Variants in SUFU observed in about 807,000 individuals in gnomAD.
The protein encoded by SUFU is suppressor of fused homolog.
A neutral mutation model predicts 58.9 loss-of-function variants in SUFU; 7 were observed. That is an observed-to-expected ratio of 0.12 (90% CI 0.07 to 0.22). The LOEUF (loss-of-function observed/expected upper bound fraction) is 0.22, where lower values mean the gene tolerates loss of function less well. SUFU is among the 10% of genes least tolerant of loss of function. The pLI, the probability that SUFU is intolerant of heterozygous loss-of-function variation, is 1.00. For synonymous variants in SUFU, 232 were observed against 254.8 expected, an observed-to-expected ratio of 0.91 and a Z score of 0.85; for missense variants, 451 against 641.3, an observed-to-expected ratio of 0.70 and a Z score of 3.20.
At chr10:102,595,262 G>A (rs2063449654) in intron 6 of SUFU, among the ~76,000 whole-genome samples, 1 of 152,202 alleles carries the variant, frequency 6.6e-6, no homozygotes, top group South Asian at 2.1e-4. Flanking sequence ...GTTCTTCACT[G>A]TAGACTTGTG....
chr10:102,618,841 T>G (rs906861307), intron 10 of SUFU, among the ~76,000 whole-genome samples: 1 of 152,060 alleles, frequency 6.6e-6, no homozygotes, highest in Non-Finnish European at 1.5e-5. Context: ...GGAGCAGGCC[T>G]GTCTCCTGGG....
At chr10:102,622,390 A>G (rs2063746876) in intron 10 of SUFU, among the ~76,000 whole-genome samples, 1 of 151,590 alleles carries the variant, frequency 6.6e-6, no homozygotes, top group Non-Finnish European at 1.5e-5. Flanking sequence ...TGGGTGGATC[A>G]TCTGAGGTCG....
At position 102,628,877 on chromosome 10, in the gene SUFU, C is replaced by A. The variant is rs2063811354; in HGVS notation, c.1366-1189C>A. On this transcript the variant is annotated intron_variant, in intron 11 of 11. Coordinates refer to ENST00000369902, the MANE Select transcript of SUFU (RefSeq NM_016169.4). This position sits in a 1 kb window ranked among gnomAD's most constrained non-coding sequence, Gnocchi z 4.5. ...AAATTAGAAAAGACAGACCCTGGGCCGGGCGCAGTGACTCATGTCTGTAAT... is the reference window on the plus strand; with the variant it reads ...AAATTAGAAAAGACAGACCCTGGGCAGGGCGCAGTGACTCATGTCTGTAAT... Among the ~76,000 whole-genome samples the A allele has an allele frequency of 6.6e-6, 1 of 152,258 alleles. No homozygotes were observed. Among genetic ancestry groups the A allele is most frequent in the East Asian group, 1.9e-4 (1 of 5,176 alleles).
chr10:102,538,349 C>CT (rs5787464), intron 2 of SUFU, among the ~76,000 whole-genome samples: 51,662 of 148,970 alleles, frequency 0.35, 8,933 homozygotes, highest in African/African-American at 0.38. Flanking sequence ...ATGCAAGAGG[C>CT]TTTTTTTTTT....
chr10:102,551,717 C>T (rs1356060702), intron 3 of SUFU, among the ~76,000 whole-genome samples: 6 of 68,740 alleles, frequency 8.7e-5, no homozygotes, highest in African/African-American at 2.3e-4. Context: ...TATGTGCCTT[C>T]TTTTTTTTTT....
Position 102,630,334 on chromosome 10 carries a change from C to A in SUFU, c.*179C>A. 1.5e-6 allele frequency: 1 copy of A among 649,094 alleles called. No homozygotes were observed. Among genetic ancestry groups the A allele is most frequent in the South Asian group, 1.8e-5 (1 of 56,422 alleles). The allele number at this position is 649,094 out of a possible 1,614,324, so 40.2% of individuals were successfully genotyped here. On this transcript the variant is annotated 3_prime_UTR_variant, in exon 12 of 12. Coordinates refer to ENST00000369902, the MANE Select transcript of SUFU (RefSeq NM_016169.4). ...ACAGGCCACAGGCCCTCCACCTCACCTCCAGCTCAGGGGCCGCACCCCGCC... is the reference window on the plus strand; with the variant it reads ...ACAGGCCACAGGCCCTCCACCTCACATCCAGCTCAGGGGCCGCACCCCGCC...
chr10:102,585,596 T>A lies in SUFU; in HGVS notation c.455-6986T>A, dbSNP rs558144188. 2.0e-4 allele frequency among the ~76,000 whole-genome samples: 30 copies of A among 152,270 alleles called. No homozygotes were observed. The East Asian group carries it at 4.1e-3, about 21-fold the overall frequency. ...ACCAAAGCTCACTGCAGCCTCCACA[T>A]CCCGGGCTCAAACAATCCTCCCACT... On this transcript the variant is annotated intron_variant, in intron 3 of 11. Coordinates refer to ENST00000369902, the MANE Select transcript of SUFU (RefSeq NM_016169.4).
intron 2 of SUFU, among the ~76,000 whole-genome samples, chr10:102,537,148 T>G (rs1192938933): frequency 6.6e-6 from 1 of 150,810 alleles, no homozygotes; most frequent in Non-Finnish European, 1.5e-5. Flanking sequence ...TTTTTTTTTT[T>G]TTGAGTCAAG....
rs150354407 is a variant in SUFU at position 102,518,827 on chromosome 10, G to A, written c.317+9524G>A. On this transcript the variant is annotated intron_variant, in intron 2 of 11. Transcript: ENST00000369902. ...ATTATAGACGTGAGTCACCGCACCC[G>A]GCCTGGAAGCAGCTTTTAAAGAAAG... Among the ~76,000 whole-genome samples, 181 of 151,556 alleles carry A rather than the reference G, an allele frequency of 1.2e-3. 2 individuals carry two copies. Among genetic ancestry groups the A allele is most frequent in the East Asian group, 5.4e-3 (27 of 4,988 alleles).
At chr10:102,577,791 C>G (rs2063228558) in intron 3 of SUFU, among the ~76,000 whole-genome samples, 1 of 151,062 alleles carries the variant, frequency 6.6e-6, no homozygotes, top group African/African-American at 2.4e-5. Context: ...CGCCATTCTC[C>G]TGTTTGAGCC....
intron 2 of SUFU, among the ~76,000 whole-genome samples, chr10:102,543,842 A>T (rs1430383274): frequency 6.6e-6 from 1 of 152,264 alleles, no homozygotes; most frequent in Non-Finnish European, 1.5e-5. Context: ...TCTATGAAAC[A>T]GTTACTGTTA....
At chr10:102,590,133 G>A (rs1167636894) in intron 3 of SUFU, among the ~76,000 whole-genome samples, 1 of 140,910 alleles carries the variant, frequency 7.1e-6, no homozygotes, top group Admixed American at 7.3e-5. Flanking sequence ...CCTCCCCCCC[G>A]ACTTTTTCTT....
chr10:102,568,782 G>A (rs1260262530), intron 3 of SUFU, among the ~76,000 whole-genome samples: 3 of 147,876 alleles, frequency 2.0e-5, no homozygotes, highest in African/African-American at 7.5e-5. Context: ...GCTGAGGCAG[G>A]AGAATCACTT....
chr10:102,555,939 T>G (rs1339062877), intron 3 of SUFU, among the ~76,000 whole-genome samples: 4 of 152,250 alleles, frequency 2.6e-5, no homozygotes, highest in Admixed American at 2.0e-4. Context: ...TGTTTGATGG[T>G]CTTGCCTCAC....
chr10:102,594,443 G>A (rs969530151), intron 6 of SUFU, among the ~76,000 whole-genome samples: 4 of 152,104 alleles, frequency 2.6e-5, no homozygotes, highest in Admixed American at 1.3e-4. Flanking sequence ...CCACCGCCCT[G>A]TACCAGACAG....
At chr10:102,568,895 A>ATATATATATATATATATATATATATAC (rs1328361723) in intron 3 of SUFU, among the ~76,000 whole-genome samples, 1 of 23,854 alleles carries the variant, frequency 4.2e-5, no homozygotes, top group Non-Finnish European at 7.0e-5. Context: ...AAAAAAAAAA[A>ATATATATATATATATATATATATATAC]AAATATATAT....
At chr10:102,615,926 T>G (rs1056921802) in intron 9 of SUFU, among the ~76,000 whole-genome samples, 3 of 151,622 alleles carry the variant, frequency 2.0e-5, no homozygotes, top group African/African-American at 7.3e-5. Context: ...GGAGAAGTAT[T>G]CCTCAGCCCT....
In SUFU at chr10:102,509,182, G is replaced by C; in HGVS notation, c.196G>C (p.Asp66His). Residue 66 changes from aspartate to histidine, a missense_variant, in exon 2 of 12, where the codon GAC becomes CAC. Physicochemically the swap from Asp to His is moderately conservative, Grantham distance 81. Transcript: ENST00000369902. ...AIVKYWLGGP[D>H]PLDYVSMYRN... ...TGTTTTTTGCAGGTTGGGTGGCCCAGACCCCTTGGACTATGTTAGCATGTA... is the reference window on the plus strand; with the variant it reads ...TGTTTTTTGCAGGTTGGGTGGCCCACACCCCTTGGACTATGTTAGCATGTA... The C allele has an allele frequency of 1.2e-6, 2 of 1,614,142 alleles. No homozygotes were observed. Among genetic ancestry groups the C allele is most frequent in the Non-Finnish European group, 1.7e-6 (2 of 1,180,040 alleles).
At chr10:102,539,566 T>TA (rs1297857651) in intron 2 of SUFU, among the ~76,000 whole-genome samples, 1 of 152,220 alleles carries the variant, frequency 6.6e-6, no homozygotes, top group Non-Finnish European at 1.5e-5. Flanking sequence ...TCAGATTTTT[T>TA]ACCCACTATT....
Sources: allele counts gnomAD v4.1 joint callset (sites outside exome capture counted in the v4.1 genomes callset), GRCh38; gene constraint gnomAD v4.1.1; non-coding constraint Gnocchi (gnomAD v3.1); transcripts MANE v1.5; gene names NCBI Gene and HGNC (gene_info 2026-07-23, HGNC 2026-07-21).